Variants in TCF20 observed in about 807,000 individuals in gnomAD.
The protein encoded by TCF20 is SPRE-binding protein.
A neutral mutation model predicts 148.6 loss-of-function variants in TCF20; 3 were observed. The observed-to-expected ratio is 0.02, with a 90% CI of 0.01 to 0.05. TCF20 has a LOEUF of 0.05. Ranked by LOEUF, TCF20 falls within the 10% of genes least tolerant of loss-of-function variation. The probability of loss-of-function intolerance (pLI) is 1.00; values close to 1 mark genes in which losing one functional copy is unlikely to be tolerated. For synonymous variants in TCF20, 1,049 were observed against 909.5 expected (o/e 1.15, Z -2.76); for missense variants, 2,350 against 2,429.3 (o/e 0.97, Z 0.69).
chr22:42,174,261 A>G (rs1037586791), intron 3 of TCF20, among the ~76,000 whole-genome samples: 1 of 152,222 alleles, frequency 6.6e-6, no homozygotes, highest in African/African-American at 2.4e-5. Flanking sequence ...CTAGCACTCA[A>G]TGATCACATC....
chr22:42,320,239 C>T (rs1927707561), intron 1 of TCF20, among the ~76,000 whole-genome samples: 1 of 152,202 alleles, frequency 6.6e-6, no homozygotes, highest in African/African-American at 2.4e-5. Context: ...TTCTGTTCTG[C>T]CCACCTAAAA....
upstream of TCF20, chr22:42,274,909 G>C (rs950468820): frequency 2.0e-5 from 3 of 152,298 alleles, no homozygotes; most frequent in Admixed American, 2.0e-4. Flanking sequence ...GCACTATGCA[G>C]ATTTCCCTTT....
intron 1 of TCF20, among the ~76,000 whole-genome samples, chr22:42,257,730 T>A (rs541277486): frequency 4.3e-4 from 65 of 152,312 alleles, no homozygotes; most frequent in African/African-American, 1.4e-3. Context: ...ATAAGAGAGA[T>A]GATGAGCTGC....
intron 1 of TCF20, among the ~76,000 whole-genome samples, chr22:42,226,562 ACATAC>A: frequency 6.6e-6 from 1 of 152,056 alleles, no homozygotes; most frequent in African/African-American, 2.4e-5. Flanking sequence ...AAAACTGGCC[ACATAC>A]GGTGGCGGAA....
chr22:42,164,728 A>C (rs185716594), intron 5 of TCF20, among the ~76,000 whole-genome samples: 18 of 152,236 alleles, frequency 1.2e-4, no homozygotes, highest in Non-Finnish European at 2.9e-5. Flanking sequence ...GAGGGGGGCA[A>C]TGGAGACAAG....
In TCF20 at chr22:42,210,512, G is replaced by T. The variant is rs777501813; in HGVS notation, c.4794C>A (p.Thr1598=). Residue 1598 remains threonine (T), a synonymous_variant, in exon 2 of 6, where the codon ACC becomes ACA. Coordinates refer to ENST00000677622, the MANE Select transcript of TCF20 (RefSeq NM_001378418.1). This position sits in a 1 kb window ranked among gnomAD's most constrained non-coding sequence, Gnocchi z 4.7. ...GTTCCACAATGGGAACTGCTTGTTT[G>T]GTTTTTCGCTTCCTCGGCTGGGCCC... ...KPGAQPRKRK[T]KQAVPIVEPQ... The T allele has an allele frequency of 6.2e-7, 1 of 1,614,186 alleles. No individual in the cohort carries two copies. Among genetic ancestry groups the T allele is most frequent in the Non-Finnish European group, 8.5e-7 (1 of 1,180,032 alleles).
At chr22:42,180,470 G>A (rs1469579783) in intron 2 of TCF20, among the ~76,000 whole-genome samples, 4 of 152,176 alleles carry the variant, frequency 2.6e-5, no homozygotes, top group Admixed American at 2.0e-4. Context: ...GGTAAGAAAT[G>A]TGTCCTATCA....
chr22:42,258,438 T>C (rs1362013204), intron 1 of TCF20, among the ~76,000 whole-genome samples: 1 of 152,212 alleles, frequency 6.6e-6, no homozygotes, highest in Non-Finnish European at 1.5e-5. Flanking sequence ...CACTGGGTTC[T>C]GAGTTCCCCA....
intron 1 of TCF20, chr22:42,278,070 G>A (rs767429038): frequency 1.1e-4 from 17 of 152,274 alleles, no homozygotes; most frequent in Non-Finnish European, 2.5e-4. Flanking sequence ...AAGTTCAAGG[G>A]TTTTAGTGAG....
chr22:42,183,481 G>A (rs1411183807), intron 2 of TCF20, among the ~76,000 whole-genome samples: 2 of 152,200 alleles, frequency 1.3e-5, no homozygotes, highest in Non-Finnish European at 2.9e-5. Context: ...TTTGCCAGCA[G>A]GGTCATAGGT....
At chr22:42,314,501 G>T (rs961193584) in intron 1 of TCF20, among the ~76,000 whole-genome samples, 1 of 152,232 alleles carries the variant, frequency 6.6e-6, no homozygotes, top group Admixed American at 6.5e-5. Context: ...AGGCATGTGG[G>T]CAGGCAGCCC....
chr22:42,236,805 A>G (rs935240143), intron 1 of TCF20, among the ~76,000 whole-genome samples: 4 of 152,236 alleles, frequency 2.6e-5, no homozygotes, highest in African/African-American at 4.8e-5. Context: ...TTTCCAGCAC[A>G]TATTAACTTT....
rs187417294 is a variant in TCF20, at chr22:42,210,738, G to A, written c.4568C>T (p.Pro1523Leu). 107 of 1,614,152 alleles carry A rather than the reference G, an allele frequency of 6.6e-5. No homozygotes were observed. The highest frequency in any genetic ancestry group is 5.8e-4 in the South Asian group (53 of 91,070). The change falls in exon 2 of 6, where the codon CCG becomes CTG. Residue 1523 changes from proline to leucine, a missense_variant. This residue lies in a region of TCF20 where 231 missense variants were observed against 213.7 expected (regional missense o/e 1.08). Transcript: ENST00000677622. The surrounding 1 kb of genome is among the most constrained non-coding windows in gnomAD (Gnocchi z 4.7). The part of the protein sequence containing the change: ...EKENDTVTIS[P>L]KQEGFPPKGY... ...CTTTGGAGGGAAACCCTCTTGCTTC[G>A]GTGAAATCGTCACTGTATCGTTCTC... is the stretch of plus-strand genomic sequence containing the variant.
At position 42,238,778 on chromosome 22, in the gene TCF20, C is replaced by T. The variant is rs139963346; in HGVS notation, c.-36-23437G>A. The stretch of plus-strand genomic sequence containing the variant: ...ATACACAACATGTATATATTAAGTT[C>T]GCCGTCTTATATGGGAGTGCTTTGT... On this transcript the variant is annotated intron_variant, in intron 1 of 5. Coordinates refer to ENST00000677622, the MANE Select transcript of TCF20 (RefSeq NM_001378418.1). Among the ~76,000 whole-genome samples the T allele has an allele frequency of 3.3e-4, 51 of 152,282 alleles. 1 individual carries two copies. Among genetic ancestry groups the T allele is most frequent in the East Asian group, 2.9e-3 (15 of 5,182 alleles).
intron 1 of TCF20, among the ~76,000 whole-genome samples, chr22:42,314,455 G>A (rs1927594142): frequency 6.6e-6 from 1 of 152,250 alleles, no homozygotes; most frequent in Non-Finnish European, 1.5e-5. Context: ...TGAATCCCAG[G>A]CATCGATGCC....
chr22:42,182,170 A>C (rs1038734790), intron 2 of TCF20, among the ~76,000 whole-genome samples: 4 of 152,190 alleles, frequency 2.6e-5, no homozygotes, highest in African/African-American at 9.6e-5. Flanking sequence ...TAGAAGGGTT[A>C]AGTATGCATG....
rs1926866030 is a variant in TCF20, at chr22:42,279,983, T to TG, written c.-37+3843dup. Among the ~76,000 whole-genome samples the TG allele has an allele frequency of 6.6e-6, 1 of 152,140 alleles. No individual in the cohort carries two copies. The highest frequency in any genetic ancestry group is 1.5e-5 in the Non-Finnish European group (1 of 68,016). ...GGCCTCTGGGGAGCTGCTACTGGGC[T>TG]GGGCCCTCTCGGTCCCTGAGCCTAG... On this transcript the variant is annotated intron_variant, in intron 1 of 5. Transcript: ENST00000359486. This position sits in a 1 kb window ranked among gnomAD's most constrained non-coding sequence, Gnocchi z 4.3.
intron 1 of TCF20, among the ~76,000 whole-genome samples, chr22:42,246,713 A>T (rs1924940563): frequency 6.6e-6 from 1 of 152,192 alleles, no homozygotes; most frequent in African/African-American, 2.4e-5. Flanking sequence ...CACGCCTGTA[A>T]TCCCAGCATT....
intron 1 of TCF20, among the ~76,000 whole-genome samples, chr22:42,222,933 GTT>G (rs1292984613): frequency 6.6e-6 from 1 of 152,134 alleles, no homozygotes; most frequent in Non-Finnish European, 1.5e-5. Flanking sequence ...CAGGCAGACT[GTT>G]TGAGCTCAGG....
Sources: allele counts gnomAD v4.1 joint callset (sites outside exome capture counted in the v4.1 genomes callset), GRCh38; gene constraint gnomAD v4.1.1; regional missense constraint gnomAD v4.1.1; non-coding constraint Gnocchi (gnomAD v3.1); transcripts MANE v1.5; gene names NCBI Gene and HGNC (gene_info 2026-07-23, HGNC 2026-07-21).